The following CLCN1 variants were observed in gnomAD, a reference collection of about 807,000 sequenced individuals.
The protein encoded by CLCN1 is chloride channel protein 1.
A neutral mutation model predicts 114.5 loss-of-function variants in CLCN1; 100 were observed. That is an observed-to-expected ratio of 0.87 (90% confidence interval 0.74 to 1.03). The LOEUF is 1.03. CLCN1 is among the 50% of genes least tolerant of loss of function. The pLI, the probability that CLCN1 is intolerant of heterozygous loss-of-function variation, is 0.00. For missense variants in CLCN1, 1,188 were observed against 1,250.0 expected (o/e 0.95, Z 0.75); for synonymous variants, 485 against 487.1 (o/e 1.00, Z 0.06).
At chr7:143,336,604 C>CAAAA (rs573516521) in intron 12 of CLCN1, among the ~76,000 whole-genome samples, 36 of 80,202 alleles carry the variant, frequency 4.5e-4, no homozygotes, top group Non-Finnish European at 6.1e-4. Context: ...AAGACTCTGT[C>CAAAA]AAAAAAAAAA....
rs367713664 is a variant in CLCN1 at position 143,335,661 on chromosome 7, G to GTT, written c.1401+2803_1401+2804dup. On this transcript the variant is annotated intron_variant, in intron 12 of 22. Coordinates refer to ENST00000343257, the MANE Select transcript of CLCN1 (RefSeq NM_000083.3). ...GTAAGATTCTCAATTCAGCTGTTTT[G>GTT]TTTTTTTTTTTTTTTTGATTCGGAA... Among the ~76,000 whole-genome samples, 783 of 135,162 alleles carry GTT rather than the reference G, an allele frequency of 5.8e-3. 22 individuals are homozygous for GTT. Among genetic ancestry groups the GTT allele is most frequent in the East Asian group, 0.045 (209 of 4,668 alleles). 88.7% of individuals were successfully genotyped at this position (135,162 alleles called of 152,430 possible). A position where few individuals can be genotyped will look rare whatever the true frequency, so the allele number is the denominator to read the frequency against.
rs1238487609 is a variant in CLCN1 at position 143,323,296 on chromosome 7, C to T, written c.697-13C>T. 1 of 1,580,274 alleles carries T rather than the reference C, an allele frequency of 6.3e-7. No individual in the cohort carries two copies. Among genetic ancestry groups the T allele is most frequent in the Admixed American group, 1.7e-5 (1 of 59,982 alleles). ...GGCCTCTGACCCCCGCCCCCTCGCT[C>T]CCCCTCTCCCAGGGCCCCTTCGTCC... On this transcript the variant is annotated splice_polypyrimidine_tract_variant and intron_variant, in intron 5 of 22. Transcript: ENST00000343257.
rs1228305577 is a variant in CLCN1 at position 143,350,099 on chromosome 7, C to T, written c.2404-273C>T. ...TTGGGAATAACAAATGTTTGGGACG[C>T]CAGGGGATAGGAGAGTTGGAGCCTA... On this transcript the variant is annotated intron_variant, in intron 20 of 22. Transcript: ENST00000343257. This position sits in a 1 kb window ranked among gnomAD's most constrained non-coding sequence, Gnocchi z 5.1. 6.6e-6 allele frequency among the ~76,000 whole-genome samples: 1 copy of T among 151,882 alleles called. No homozygotes were observed. The highest frequency in any genetic ancestry group is 1.5e-5 in the Non-Finnish European group (1 of 67,986).
intron 16 of CLCN1, among the ~76,000 whole-genome samples, chr7:143,343,705 C>CTTTCTTT (rs1563085724): frequency 3.3e-5 from 5 of 151,336 alleles, no homozygotes; most frequent in Non-Finnish European, 5.9e-5. Context: ...TTTCTTCCTT[C>CTTTCTTT]CTTTCTTTCT....
chr7:143,323,877 G>A (rs1459824973), intron 6 of CLCN1: 3 of 472,414 alleles, frequency 6.4e-6, no homozygotes, highest in Admixed American at 4.7e-5. Flanking sequence ...GTGGGATGCT[G>A]CTTTGCAGCC....
rs1171100243 is a variant in CLCN1, at chr7:143,332,800, T to C, written c.1328T>C (p.Leu443Pro). The part of the protein sequence containing the change: ...WVKHAGDPES[L>P]GQSAVWIHPR... ...AAACACGCGGGTGATCCTGAGAGCCTGGGCCAGTCAGCTGTGTGGATTCAC... is the reference window on the plus strand; with the variant it reads ...AAACACGCGGGTGATCCTGAGAGCCCGGGCCAGTCAGCTGTGTGGATTCAC... Residue 443 changes from leucine to proline, a missense_variant, in exon 12 of 23, where the codon CTG becomes CCG. By Grantham distance (98) the Leu-to-Pro change is moderately conservative. Transcript: ENST00000343257. 1 of 1,614,206 alleles carries C rather than the reference T, an allele frequency of 6.2e-7. No individual in the cohort carries two copies. Among genetic ancestry groups the C allele is most frequent in the Non-Finnish European group, 8.5e-7 (1 of 1,180,028 alleles).
Position 143,321,083 on chromosome 7 carries a change from C to T in CLCN1, c.434-282C>T, listed in dbSNP as rs759798933. Among the ~76,000 whole-genome samples the T allele has an allele frequency of 3.9e-4, 60 of 152,162 alleles. No homozygotes were observed. The highest frequency in any genetic ancestry group is 7.1e-4 in the Non-Finnish European group (48 of 68,026). On this transcript the variant is annotated intron_variant, in intron 3 of 22. Coordinates refer to ENST00000343257, the MANE Select transcript of CLCN1 (RefSeq NM_000083.3). This position sits in a 1 kb window ranked among gnomAD's most constrained non-coding sequence, Gnocchi z 4.2. ...TTCCCAGTTTCAGCACTGAACATCC[C>T]GAATCCCAGGAAGCCCCTTGGTTCT...
intron 7 of CLCN1, among the ~76,000 whole-genome samples, chr7:143,329,504 C>A (rs1802665994): frequency 6.6e-6 from 1 of 152,190 alleles, no homozygotes; most frequent in Admixed American, 6.5e-5. Flanking sequence ...AGGCCACCCT[C>A]CCCCTGGTGC....
chr7:143,331,194 G>A (rs762636438), intron 8 of CLCN1, 38 bp from the exon 9 acceptor site: 20 of 1,447,146 alleles, frequency 1.4e-5, no homozygotes, highest in East Asian at 1.1e-4. Flanking sequence ...GGGTTTCTAC[G>A]AAGCTCCCAT....
At position 143,323,780 on chromosome 7, in the gene CLCN1, C is replaced by A. The variant is rs573154548; in HGVS notation, c.774+394C>A. On this transcript the variant is annotated intron_variant, in intron 6 of 22. Coordinates refer to ENST00000343257, the MANE Select transcript of CLCN1 (RefSeq NM_000083.3). ...TCTTACATACGTCCCGCCTGCCCCA[C>A]CCCTCCACCCCCTTGTCCCGCGTGC... 2.5e-4 allele frequency: 120 copies of A among 479,734 alleles called. 2 individuals are homozygous for A. The Middle Eastern group carries it at 7.4e-3, about 30-fold the overall frequency. 29.7% of individuals were successfully genotyped at this position (479,734 alleles called of 1,614,324 possible).
At position 143,345,614 on chromosome 7, in the gene CLCN1, A is replaced by T. The variant is rs768582911; in HGVS notation, c.2024A>T (p.Gln675Leu). 1 of 1,558,536 alleles carries T rather than the reference A, an allele frequency of 6.4e-7. No individual in the cohort carries two copies. Among genetic ancestry groups the T allele is most frequent in the Non-Finnish European group, 8.7e-7 (1 of 1,151,640 alleles). ...LCPERRLRAA[Q>L]EMARKLSELP... ...CCTGAGCGCAGGCTGCGCGCAGCCC[A>T]AGAGATGGCGCGGAAGTTGTCGGAG... is the stretch of plus-strand genomic sequence containing the variant. The change falls in exon 17 of 23, where the codon CAA becomes CTA. Residue 675 changes from glutamine (Q) to leucine (L), a missense_variant. Coordinates refer to ENST00000343257, the MANE Select transcript of CLCN1 (RefSeq NM_000083.3).
intron 3 of CLCN1, 69 bp downstream of exon 3, chr7:143,320,864 TATCGGAAGCGA>T (rs1802410882): frequency 6.3e-7 from 1 of 1,586,270 alleles, no homozygotes; most frequent in Admixed American, 1.7e-5. Flanking sequence ...CAGGGTGTGT[TATCGGAAGCGA>T]ATGTTAAGCA....
rs73172439 is a variant in CLCN1, at chr7:143,351,329, T to G, written c.2596-265T>G. Among the ~76,000 whole-genome samples, 1,443 of 152,118 alleles carry G rather than the reference T, an allele frequency of 9.5e-3. 14 individuals carry two copies. Among genetic ancestry groups the G allele is most frequent in the Admixed American group, 0.014 (207 of 15,292 alleles). On this transcript the variant is annotated intron_variant, in intron 22 of 22. Coordinates refer to ENST00000343257, the MANE Select transcript of CLCN1 (RefSeq NM_000083.3). ...GGCAGTGGGGGGATGTGGCTGCAGG[T>G]GGTCACTAGGAAGGAAGAGGTCACC...
chr7:143,327,247 TA>T (rs757866890), intron 7 of CLCN1, among the ~76,000 whole-genome samples: 119 of 20,586 alleles, frequency 5.8e-3, no homozygotes, highest in Admixed American at 0.015. Flanking sequence ...GACTCCATCT[TA>T]AAAAAAAAAA....
Position 143,321,233 on chromosome 7 carries a change from T to C in CLCN1, c.434-132T>C, listed in dbSNP as rs181121179. On this transcript the variant is annotated intron_variant, in intron 3 of 22. Transcript: ENST00000343257. This position sits in a 1 kb window ranked among gnomAD's most constrained non-coding sequence, Gnocchi z 4.2. ...TAACTCAGGCTTCCCATGTGTCAAA[T>C]GAGAGCAGCACCATCTCAGAAGGGG... The C allele has an allele frequency of 1.8e-6, 2 of 1,092,764 alleles. No individual in the cohort carries two copies. The highest frequency in any genetic ancestry group is 4.0e-5 in the Admixed American group (2 of 50,494). The allele number at this position is 1,092,764 out of a possible 1,614,324, so 67.7% of individuals were successfully genotyped here.
intron 14 of CLCN1, among the ~76,000 whole-genome samples, chr7:143,340,073 A>C (rs893132015): frequency 4.6e-5 from 7 of 152,238 alleles, no homozygotes; most frequent in Non-Finnish European, 7.3e-5. Flanking sequence ...GTCACCATGA[A>C]GCAAGATAGC....
chr7:143,334,256 A>G (rs1419837938), intron 12 of CLCN1, among the ~76,000 whole-genome samples: 1 of 150,430 alleles, frequency 6.6e-6, no homozygotes, highest in Non-Finnish European at 1.5e-5. Context: ...TTCTTTTGTG[A>G]TGATTATCTT....
Position 143,331,596 on chromosome 7 carries a change from C to T in CLCN1, c.1110C>T (p.Arg370=). 6.2e-7 allele frequency: 1 copy of T among 1,614,138 alleles called. No individual in the cohort carries two copies. Among genetic ancestry groups the T allele is most frequent in the Non-Finnish European group, 8.5e-7 (1 of 1,179,992 alleles). ...LLGAVFVYLH[R]QVMLGVRKHK... ...GAGCTGTATTTGTGTATCTGCATCG[C>T]CAAGTCATGCTCGGTGTCCGAAAGC... is the stretch of plus-strand genomic sequence containing the variant. The change falls in exon 10 of 23, where the codon CGC becomes CGT. Residue 370 remains arginine, a synonymous_variant. Transcript: ENST00000343257.
chr7:143,323,374 C>A lies in CLCN1; in HGVS notation c.762C>A (p.Cys254Ter). Residue 254 changes from cysteine (C) to a stop codon, truncating the protein, a stop_gained, in exon 6 of 23, where the codon TGC (cysteine) becomes TGA (stop). Coordinates refer to ENST00000343257, the MANE Select transcript of CLCN1 (RefSeq NM_000083.3). LOFTEE classifies it high-confidence loss of function. ...AVLSKFMSVFCGVYEQPYYYS... is the reference protein window; with the variant it reads ...AVLSKFMSVF ...TCAGCAAATTCATGTCTGTGTTCTG[C>A]GGGGTATATGAGGTAAGGTTGAGAC... 6.2e-7 allele frequency: 1 copy of A among 1,612,180 alleles called. No individual in the cohort carries two copies. The highest frequency in any genetic ancestry group is 1.1e-5 in the South Asian group (1 of 91,042).
Sources: allele counts gnomAD v4.1 joint callset (sites outside exome capture counted in the v4.1 genomes callset), GRCh38; gene constraint gnomAD v4.1.1; non-coding constraint Gnocchi (gnomAD v3.1); transcripts MANE v1.5; gene names NCBI Gene and HGNC (gene_info 2026-07-23, HGNC 2026-07-21).